GABRA3: variants seen among roughly 807,000 people sequenced by gnomAD.
GABRA3 encodes the protein gamma-aminobutyric acid receptor subunit alpha-3.
In GABRA3, 10 loss-of-function variants were observed where a neutral mutation model predicts 30.1. The observed-to-expected ratio is 0.33, with a 90% CI of 0.20 to 0.56. The LOEUF is 0.56. Among genes scored for constraint, GABRA3 ranks in the 20% least tolerant of loss-of-function variants. GABRA3 has a pLI of 0.89. For synonymous variants in GABRA3, 151 were observed against 146.8 expected, an observed-to-expected ratio of 1.03 and a Z score of -0.21; for missense variants, 233 against 392.0, an observed-to-expected ratio of 0.59 and a Z score of 3.42.
At chrX:152,347,371 G>A (rs1010563046) in intron 2 of GABRA3, among the ~76,000 whole-genome samples, 1 of 111,631 alleles carries the variant, frequency 9.0e-6, no homozygotes, top group Non-Finnish European at 1.9e-5. Flanking sequence ...GAGGGAAAGT[G>A]GGGATGGTTA....
intron 3 of GABRA3, among the ~76,000 whole-genome samples, chrX:152,344,214 A>C (rs945374654): frequency 3.6e-5 from 4 of 112,121 alleles, no homozygotes; most frequent in Non-Finnish European, 7.5e-5. Flanking sequence ...AGTACTCAAA[A>C]AATGAGAGCA....
At chrX:152,369,318 T>C (rs1206778098) in intron 1 of GABRA3, among the ~76,000 whole-genome samples, 1 of 107,624 alleles carries the variant, frequency 9.3e-6, no homozygotes, top group Non-Finnish European at 1.9e-5. Context: ...CCTTGAAACA[T>C]CATGTTGTAC....
intron 6 of GABRA3, among the ~76,000 whole-genome samples, chrX:152,223,735 T>C (rs1253272368): frequency 9.1e-6 from 1 of 110,254 alleles, no homozygotes; most frequent in Non-Finnish European, 1.9e-5. Flanking sequence ...AGGGTGACAC[T>C]AATCACCCTA....
chrX:152,393,768 G>A (rs1603253606), intron 1 of GABRA3, among the ~76,000 whole-genome samples: 1 of 111,720 alleles, frequency 9.0e-6, no homozygotes, highest in South Asian at 3.7e-4. Flanking sequence ...AAAATAAGCT[G>A]ATGACCATAA....
At chrX:152,175,499 C>T (rs1314223041) in intron 9 of GABRA3, among the ~76,000 whole-genome samples, 1 of 111,347 alleles carries the variant, frequency 9.0e-6, no homozygotes, top group East Asian at 2.8e-4. Context: ...GTTCACATCC[C>T]AGTTGGGGGG....
At chrX:152,171,786 T>G in intron 9 of GABRA3, among the ~76,000 whole-genome samples, 1 of 112,127 alleles carries the variant, frequency 8.9e-6, no homozygotes, top group Non-Finnish European at 1.9e-5. Context: ...GAAATTGACT[T>G]CTCCAAATTT....
At chrX:152,399,876 CT>C (rs1302488020) in intron 1 of GABRA3, among the ~76,000 whole-genome samples, 1 of 111,365 alleles carries the variant, frequency 9.0e-6, no homozygotes, top group African/African-American at 3.3e-5. Flanking sequence ...CTGAGCACCC[CT>C]AGAGCCCCAA....
chrX:152,269,706 C>G (rs901246162), intron 4 of GABRA3, among the ~76,000 whole-genome samples: 1 of 111,772 alleles, frequency 8.9e-6, no homozygotes, highest in African/African-American at 3.2e-5. Context: ...CAGAAAATTC[C>G]TCTCCAACAA....
In GABRA3 at chrX:152,281,128, C is replaced by T. The variant is rs143412071; in HGVS notation, c.330+3540G>A. ...GAAGAGCAGCCAATGTTTTTCTCAG[C>T]TGTTACTTTTCTGCTTTCCTTTCCA... On this transcript the variant is annotated intron_variant, in intron 4 of 9. Coordinates refer to ENST00000370314, the MANE Select transcript of GABRA3 (RefSeq NM_000808.4). Among the ~76,000 whole-genome samples, 976 of 110,988 alleles carry T rather than the reference C, an allele frequency of 8.8e-3. 5 individuals are homozygous for T. Among genetic ancestry groups the T allele is most frequent in the Middle Eastern group, 0.028 (6 of 218 alleles).
intron 1 of GABRA3, among the ~76,000 whole-genome samples, chrX:152,378,461 G>A (rs1383666107): frequency 9.0e-6 from 1 of 111,516 alleles, no homozygotes; most frequent in Admixed American, 9.6e-5. Context: ...TAAAATGTGT[G>A]TATTACTAAG....
chrX:152,275,784 T>G (rs1433037589), intron 4 of GABRA3, among the ~76,000 whole-genome samples: 1 of 108,216 alleles, frequency 9.2e-6, no homozygotes, highest in Admixed American at 1.0e-4. Flanking sequence ...ATAAATATAT[T>G]TATATCCTGT....
chrX:152,199,963 G>A (rs1159114359), intron 7 of GABRA3, among the ~76,000 whole-genome samples: 1 of 111,640 alleles, frequency 9.0e-6, no homozygotes, highest in African/African-American at 3.3e-5. Flanking sequence ...CCTGGTCTAA[G>A]CCACCATCAT....
chrX:152,346,910 A>G (rs992844923), intron 2 of GABRA3, among the ~76,000 whole-genome samples: 1 of 111,834 alleles, frequency 8.9e-6, no homozygotes, highest in Admixed American at 9.5e-5. Flanking sequence ...AATTAGTACA[A>G]CCACTATGGA....
intron 3 of GABRA3, among the ~76,000 whole-genome samples, chrX:152,327,346 C>A (rs560450364): frequency 2.7e-4 from 30 of 111,160 alleles, no homozygotes; most frequent in Middle Eastern, 4.6e-3. Flanking sequence ...CTGCACCAAG[C>A]GGACCTAATA....
In GABRA3 at chrX:152,421,757, T is replaced by G. The variant is rs182760691; in HGVS notation, c.-27+29389A>C. ...ATTTGAATAAACTTTTCAAAAAATG[T>G]TTAAGAACATCCAAATGGCAAATAG... On this transcript the variant is annotated intron_variant, in intron 1 of 9. Coordinates refer to ENST00000370314, the MANE Select transcript of GABRA3 (RefSeq NM_000808.4). Among the ~76,000 whole-genome samples, 728 of 111,905 alleles carry G rather than the reference T, an allele frequency of 6.5e-3. 10 individuals are homozygous for G. Among genetic ancestry groups the G allele is most frequent in the African/African-American group, 0.022 (683 of 30,911 alleles).
At chrX:152,211,019 CT>C (rs1937624299) in intron 6 of GABRA3, among the ~76,000 whole-genome samples, 1 of 111,090 alleles carries the variant, frequency 9.0e-6, no homozygotes, top group Non-Finnish European at 1.9e-5. Flanking sequence ...AGTCTTTTAT[CT>C]TTAGTACATA....
intron 5 of GABRA3, among the ~76,000 whole-genome samples, chrX:152,242,362 T>G (rs1938394513): frequency 9.0e-6 from 1 of 111,405 alleles, no homozygotes; most frequent in South Asian, 3.8e-4. Flanking sequence ...GCAATGATAT[T>G]TTTTGCAAAT....
intron 3 of GABRA3, among the ~76,000 whole-genome samples, chrX:152,295,981 A>G (rs1343773064): frequency 1.8e-5 from 2 of 112,084 alleles, no homozygotes; most frequent in African/African-American, 6.5e-5. Context: ...TAGACATATG[A>G]GATAAATGAT....
At chrX:152,358,794 G>C (rs1378631907) in intron 2 of GABRA3, among the ~76,000 whole-genome samples, 1 of 111,279 alleles carries the variant, frequency 9.0e-6, no homozygotes, top group Non-Finnish European at 1.9e-5. Flanking sequence ...TTATCAAAAG[G>C]CTTTTATGCA....
Sources: allele counts gnomAD v4.1 joint callset (sites outside exome capture counted in the v4.1 genomes callset), GRCh38; gene constraint gnomAD v4.1.1; transcripts MANE v1.5; gene names NCBI Gene and HGNC (gene_info 2026-07-23, HGNC 2026-07-21).